Variants in EXOC6 observed in about 807,000 individuals in gnomAD.
EXOC6 encodes the protein exocyst complex component 6, also known as SEC15-like 1.
A neutral mutation model predicts 112.5 loss-of-function variants in EXOC6; 60 were observed. The ratio of observed to expected loss-of-function variants is 0.53; its 90% confidence interval spans 0.43 to 0.66. The LOEUF (loss-of-function observed/expected upper bound fraction) is 0.66. Among genes scored for constraint, EXOC6 ranks in the 30% least tolerant of loss-of-function variants. The pLI is 0.00. For missense variants in EXOC6, 855 were observed against 957.1 expected, an observed-to-expected ratio of 0.89 and a Z score of 1.41; for synonymous variants, 295 against 308.0, an observed-to-expected ratio of 0.96 and a Z score of 0.44.
At chr10:92,840,764 C>T (rs774554980) in intron 1 of EXOC6, among the ~76,000 whole-genome samples, 2 of 151,720 alleles carry the variant, frequency 1.3e-5, no homozygotes, top group African/African-American at 2.4e-5. Flanking sequence ...CTCAAGCAAT[C>T]CACCCATCTC....
chr10:92,964,738 C>T (rs1427761760), intron 17 of EXOC6, among the ~76,000 whole-genome samples: 1 of 152,164 alleles, frequency 6.6e-6, no homozygotes, highest in Non-Finnish European at 1.5e-5. Context: ...TGGCCAGTGA[C>T]ACTGAGATGT....
upstream of EXOC6, among the ~76,000 whole-genome samples, chr10:92,832,575 G>A (rs978264449): frequency 1.3e-5 from 2 of 152,116 alleles, no homozygotes; most frequent in Admixed American, 6.5e-5. Flanking sequence ...ACAGCACCCG[G>A]CCTACAAGGT....
At chr10:92,918,165 A>G (rs1851214848) in intron 7 of EXOC6, among the ~76,000 whole-genome samples, 2 of 152,162 alleles carry the variant, frequency 1.3e-5, no homozygotes, top group South Asian at 2.1e-4. Context: ...AAATAAAATT[A>G]TCTCCACAGA....
chr10:92,912,827 G>A (rs1311177454), intron 6 of EXOC6, among the ~76,000 whole-genome samples: 1 of 152,158 alleles, frequency 6.6e-6, no homozygotes, highest in Non-Finnish European at 1.5e-5. Flanking sequence ...GCCGTGGCAA[G>A]ATGAGGGTGT....
intron 1 of EXOC6, among the ~76,000 whole-genome samples, chr10:92,850,801 C>T (rs1018079606): frequency 6.6e-6 from 1 of 151,952 alleles, no homozygotes; most frequent in Non-Finnish European, 1.5e-5. Context: ...TTTAGCTGGC[C>T]TGTAGACTTA....
At chr10:93,010,023 G>T (rs959777259) in intron 19 of EXOC6, among the ~76,000 whole-genome samples, 1 of 152,158 alleles carries the variant, frequency 6.6e-6, no homozygotes, top group African/African-American at 2.4e-5. Flanking sequence ...ATGATAGTTT[G>T]TACTAAGGTA....
chr10:92,914,614 G>A (rs1850981770), intron 6 of EXOC6, among the ~76,000 whole-genome samples: 1 of 152,158 alleles, frequency 6.6e-6, no homozygotes, highest in Admixed American at 6.6e-5. Context: ...AGAGGGAAAG[G>A]GAATACACAG....
At chr10:93,002,492 C>T (rs1340572529) in intron 19 of EXOC6, among the ~76,000 whole-genome samples, 1 of 152,142 alleles carries the variant, frequency 6.6e-6, no homozygotes, top group Non-Finnish European at 1.5e-5. Flanking sequence ...GCCCCACCTG[C>T]TGAATTGGGA....
At chr10:93,047,729 C>T (rs377644301) in intron 20 of EXOC6, among the ~76,000 whole-genome samples, 58 of 151,986 alleles carry the variant, frequency 3.8e-4, no homozygotes, top group African/African-American at 1.2e-3. Context: ...AGGTGGATCA[C>T]GAGGTCAGGA....
intron 9 of EXOC6, among the ~76,000 whole-genome samples, chr10:92,933,074 G>A (rs1269591693): frequency 1.3e-5 from 2 of 152,100 alleles, no homozygotes; most frequent in African/African-American, 4.8e-5. Context: ...ATAATACAGG[G>A]AAAGCTAGAA....
At chr10:93,053,859 A>T (rs1482775902) in intron 20 of EXOC6, among the ~76,000 whole-genome samples, 1 of 152,196 alleles carries the variant, frequency 6.6e-6, no homozygotes, top group Non-Finnish European at 1.5e-5. Context: ...AAAAATCCTT[A>T]CACACATGAA....
chr10:92,994,159 T>C (rs1379003511), intron 18 of EXOC6, among the ~76,000 whole-genome samples: 1 of 152,196 alleles, frequency 6.6e-6, no homozygotes, highest in Non-Finnish European at 1.5e-5. Flanking sequence ...TTGAATGCAG[T>C]CCATAAATCA....
chr10:92,998,932 C>T (rs1265907515), intron 19 of EXOC6, among the ~76,000 whole-genome samples: 1 of 152,096 alleles, frequency 6.6e-6, no homozygotes, highest in Non-Finnish European at 1.5e-5. Context: ...AGTGCAGTGG[C>T]ACAGTCTCAG....
intron 18 of EXOC6, among the ~76,000 whole-genome samples, chr10:92,987,320 T>C (rs1843047150): frequency 6.6e-6 from 1 of 152,226 alleles, no homozygotes; most frequent in African/African-American, 2.4e-5. Flanking sequence ...TAGACATAAG[T>C]GCTAAAGCTC....
chr10:92,971,825 T>G (rs1157260069), intron 17 of EXOC6, among the ~76,000 whole-genome samples: 1 of 152,238 alleles, frequency 6.6e-6, no homozygotes, highest in Non-Finnish European at 1.5e-5. Context: ...GTTGCTTTTT[T>G]TCCGTGTATT....
At chr10:92,996,971 G>T (rs959302245) in intron 18 of EXOC6, among the ~76,000 whole-genome samples, 1 of 152,020 alleles carries the variant, frequency 6.6e-6, no homozygotes, top group Admixed American at 6.6e-5. Context: ...TAGAAGTAAG[G>T]ACTTATGATT....
chr10:92,846,541 T>C (rs1244769513), upstream of EXOC6, among the ~76,000 whole-genome samples: 1 of 151,548 alleles, frequency 6.6e-6, no homozygotes, highest in Non-Finnish European at 1.5e-5. Flanking sequence ...AACTGAAACA[T>C]AAAAAAAAGA....
intron 1 of EXOC6, among the ~76,000 whole-genome samples, chr10:92,865,985 G>A (rs1041582443): frequency 6.6e-6 from 1 of 152,002 alleles, no homozygotes; most frequent in Non-Finnish European, 1.5e-5. Context: ...AGGCTGAGGA[G>A]GAGATGGGAG....
intron 1 of EXOC6, among the ~76,000 whole-genome samples, chr10:92,859,789 C>T (rs187312740): frequency 6.6e-6 from 1 of 151,296 alleles, no homozygotes; most frequent in African/African-American, 2.4e-5. Context: ...TGTTCTGTCT[C>T]TCCGTCTGTG....
Sources: gnomAD v4.1 joint callset for allele counts (sites outside exome capture counted in the v4.1 genomes callset) on GRCh38, gnomAD v4.1.1 for gene constraint, MANE v1.5 for transcripts, NCBI Gene and HGNC (gene_info 2026-07-23, HGNC 2026-07-21) for gene names.